Variants in TESPA1 observed in about 807,000 individuals in gnomAD.
The protein encoded by TESPA1 is thymocyte expressed, positive selection associated 1.
In TESPA1, 33 loss-of-function variants were observed where a neutral mutation model predicts 57.9. The ratio of observed to expected loss-of-function variants is 0.57; its 90% CI spans 0.43 to 0.76. The LOEUF is 0.76. Among genes scored for constraint, TESPA1 ranks in the 30% least tolerant of loss-of-function variants. TESPA1 has a pLI of 0.00. For synonymous variants in TESPA1, 227 were observed against 228.9 expected, an observed-to-expected ratio of 0.99 and a Z score of 0.07; for missense variants, 618 against 632.9, an observed-to-expected ratio of 0.98 and a Z score of 0.25.
intron 2 of TESPA1, among the ~76,000 whole-genome samples, chr12:54,974,092 C>T (rs1952014092): frequency 6.6e-6 from 1 of 152,176 alleles, no homozygotes; most frequent in Non-Finnish European, 1.5e-5. Context: ...GGTCTTGTTA[C>T]ACAGACAAAA....
intron 10 of TESPA1, among the ~76,000 whole-genome samples, chr12:54,958,963 A>G (rs1950905239): frequency 6.6e-6 from 1 of 152,204 alleles, no homozygotes; most frequent in African/African-American, 2.4e-5. Flanking sequence ...TTCCAGTTTG[A>G]TAATCCTAAC....
chr12:54,961,149 C>G lies in TESPA1; in HGVS notation c.*1+19G>C, dbSNP rs370944062. On this transcript the variant is annotated intron_variant, in intron 10 of 10. Coordinates refer to ENST00000449076, the MANE Select transcript of TESPA1 (RefSeq NM_001136030.3). Reference sequence around the variant, plus strand: ...ATGTGCAGCCAGGTTTGAGAACTGCCTGAGAGAGGCCCACTTACTTCACGA... The same window carrying G: ...ATGTGCAGCCAGGTTTGAGAACTGCGTGAGAGAGGCCCACTTACTTCACGA... 47 of 1,613,558 alleles carry G rather than the reference C, an allele frequency of 2.9e-5. No homozygotes were observed. Among genetic ancestry groups the G allele is most frequent in the Non-Finnish European group, 3.7e-5 (44 of 1,179,824 alleles).
intron 3 of TESPA1, among the ~76,000 whole-genome samples, chr12:54,973,042 AC>A (rs1951933524): frequency 6.6e-6 from 1 of 152,284 alleles, no homozygotes; most frequent in East Asian, 1.9e-4. Context: ...ACTGTCATAA[AC>A]CCTAAGCTTC....
At chr12:54,968,479 C>T (rs1465024688) in intron 3 of TESPA1, among the ~76,000 whole-genome samples, 1 of 152,140 alleles carries the variant, frequency 6.6e-6, no homozygotes, top group Non-Finnish European at 1.5e-5. Context: ...CCGAAATCAG[C>T]ACAAATGGTG....
rs973487187 is a variant in TESPA1, at chr12:54,974,615, T to G, written c.-45-8A>C. 1 of 1,439,910 alleles carries G rather than the reference T, an allele frequency of 6.9e-7. No individual in the cohort carries two copies. The highest frequency in any genetic ancestry group is 1.8e-4 in the Middle Eastern group (1 of 5,504). The allele number at this position is 1,439,910 out of a possible 1,614,324, so 89.2% of individuals were successfully genotyped here. A position where few individuals can be genotyped will look rare whatever the true frequency, so the allele number is the denominator to read the frequency against. The stretch of plus-strand genomic sequence containing the variant: ...CGTAACAGTAATGCCGTCCTAAGAG[T>G]TGAAAAACAGTGATACTCCCTCATC... On this transcript the variant is annotated splice_region_variant and splice_polypyrimidine_tract_variant and intron_variant, in intron 1 of 10. Coordinates refer to ENST00000449076, the MANE Select transcript of TESPA1 (RefSeq NM_001136030.3).
intron 1 of TESPA1, among the ~76,000 whole-genome samples, chr12:54,980,651 A>G (rs182511723): frequency 1.3e-5 from 2 of 152,302 alleles, no homozygotes; most frequent in Non-Finnish European, 2.9e-5. Flanking sequence ...GGGAAAGTGG[A>G]TAATTATCAT....
At chr12:54,985,166 TG>T (rs1952440306), upstream of TESPA1, among the ~76,000 whole-genome samples, 1 of 152,250 alleles carries the variant, frequency 6.6e-6, no homozygotes, top group African/African-American at 2.4e-5. Flanking sequence ...CCAGTCGCTC[TG>T]TGTTGATAAC....
rs377169750 is a variant in TESPA1, at chr12:54,962,891, A to G, written c.1007T>C (p.Leu336Ser). ...AGGATCTTCCTGTGAGAATTGCCCCAAATCAGAGTCTTGCTGGAGGAACTG... is the reference window on the plus strand; with the variant it reads ...AGGATCTTCCTGTGAGAATTGCCCCGAATCAGAGTCTTGCTGGAGGAACTG... The part of the protein sequence containing the change: ...EKQFLQQDSD[L>S]GQFSQEDPVP... Residue 336 changes from leucine (L) to serine (S), a missense_variant, in exon 9 of 11, where the codon TTG becomes TCG. By Grantham distance (145) the Leu-to-Ser change is moderately radical. Coordinates refer to ENST00000449076, the MANE Select transcript of TESPA1 (RefSeq NM_001136030.3). 5 of 1,613,658 alleles carry G rather than the reference A, an allele frequency of 3.1e-6. No individual in the cohort carries two copies. Among genetic ancestry groups the G allele is most frequent in the Non-Finnish European group, 4.2e-6 (5 of 1,179,776 alleles).
intron 9 of TESPA1, 31 bp downstream of exon 9, chr12:54,962,400 C>T: frequency 6.3e-7 from 1 of 1,594,874 alleles, no homozygotes; most frequent in Non-Finnish European, 8.5e-7. Context: ...CCTTTCTCTG[C>T]CAGTCTCTCC....
chr12:54,955,630 T>G (rs908385659), intron 10 of TESPA1, among the ~76,000 whole-genome samples: 3 of 152,234 alleles, frequency 2.0e-5, no homozygotes, highest in African/African-American at 7.2e-5. Flanking sequence ...TGTATCTGCC[T>G]GGCTATGTAC....
intron 10 of TESPA1, among the ~76,000 whole-genome samples, chr12:54,960,554 G>A (rs923800163): frequency 2.0e-5 from 3 of 152,196 alleles, no homozygotes; most frequent in Non-Finnish European, 4.4e-5. Context: ...CAGGTGTTGG[G>A]ATATTGATTT....
intron 1 of TESPA1, among the ~76,000 whole-genome samples, chr12:54,975,118 T>C (rs12311888): frequency 0.11 from 17,374 of 152,140 alleles, 2,306 homozygotes; most frequent in East Asian, 0.63. Context: ...ACTCCAACTA[T>C]AGGAATTCTG....
chr12:54,962,480 A>C lies in TESPA1; in HGVS notation c.1418T>G (p.Leu473Arg), dbSNP rs1951142405. The C allele has an allele frequency of 6.2e-7, 1 of 1,612,794 alleles. No homozygotes were observed. Among genetic ancestry groups the C allele is most frequent in the African/African-American group, 1.3e-5 (1 of 74,876 alleles). ...KWKQSVDRPE[L>R]RRSLSQQPQD... Reference sequence around the variant, plus strand: ...TGGCTGCTGGCTTAAAGACCGACGCAGTTCTGGTCTGTCTACACTCTGCTT... The same window carrying C: ...TGGCTGCTGGCTTAAAGACCGACGCCGTTCTGGTCTGTCTACACTCTGCTT... Residue 473 changes from leucine to arginine, a missense_variant, in exon 9 of 11, where the codon CTG becomes CGG. Coordinates refer to ENST00000449076, the MANE Select transcript of TESPA1 (RefSeq NM_001136030.3).
At chr12:54,968,212 C>G (rs1179232060) in intron 3 of TESPA1, among the ~76,000 whole-genome samples, 1 of 152,104 alleles carries the variant, frequency 6.6e-6, no homozygotes, top group Non-Finnish European at 1.5e-5. Context: ...AATATTGAAG[C>G]AAAACGGGAG....
At chr12:54,974,359 C>A (rs760686919) in intron 2 of TESPA1, 41 bp downstream of exon 2, 1 of 1,517,788 alleles carries the variant, frequency 6.6e-7, no homozygotes, top group Non-Finnish European at 8.9e-7. Context: ...CACCTTTTGC[C>A]GCCAGACAAC....
intron 3 of TESPA1, among the ~76,000 whole-genome samples, chr12:54,969,046 T>TATATATATATATAC (rs71070858): frequency 0.025 from 3,082 of 124,086 alleles, 230 homozygotes; most frequent in East Asian, 0.16. Context: ...TATATATATA[T>TATATATATATATAC]GTGTGTGTGT....
intron 1 of TESPA1, among the ~76,000 whole-genome samples, chr12:54,976,190 CT>C (rs1200137612): frequency 6.6e-6 from 1 of 152,174 alleles, no homozygotes; most frequent in Non-Finnish European, 1.5e-5. Context: ...ATGTTTGAAG[CT>C]TTCAAACTTA....
intron 1 of TESPA1, chr12:54,984,179 C>T (rs1205427470): frequency 2.0e-5 from 3 of 152,056 alleles, no homozygotes; most frequent in Non-Finnish European, 4.4e-5. Flanking sequence ...GAAATGAAAC[C>T]GGGAAACTTC....
intron 10 of TESPA1, among the ~76,000 whole-genome samples, chr12:54,958,191 A>G (rs1367901880): frequency 6.6e-6 from 1 of 152,192 alleles, no homozygotes; most frequent in African/African-American, 2.4e-5. Flanking sequence ...AACCATATAA[A>G]TCCTGCACAC....
Sources: allele counts gnomAD v4.1 joint callset (sites outside exome capture counted in the v4.1 genomes callset), GRCh38; gene constraint gnomAD v4.1.1; transcripts MANE v1.5; gene names NCBI Gene and HGNC (gene_info 2026-07-23, HGNC 2026-07-21).